The following CTNND2 variants were observed in gnomAD, a reference collection of about 807,000 sequenced individuals.
The protein encoded by CTNND2 is catenin delta-2.
A neutral mutation model predicts 144.4 loss-of-function variants in CTNND2; 22 were observed. The ratio of observed to expected loss-of-function variants is 0.15; its 90% CI spans 0.11 to 0.22. The LOEUF (loss-of-function observed/expected upper bound fraction) is 0.22, where lower values mean the gene tolerates loss of function less well. CTNND2 is among the 10% of genes least tolerant of loss of function. The probability of loss-of-function intolerance (pLI) is 1.00; values close to 1 mark genes in which losing one functional copy is unlikely to be tolerated. For missense variants in CTNND2, 1,353 were observed against 1,618.8 expected, an observed-to-expected ratio of 0.84 and a Z score of 2.82; for synonymous variants, 751 against 695.6, an observed-to-expected ratio of 1.08 and a Z score of -1.25.
chr5:11,217,539 G>C (rs115103503), intron 10 of CTNND2, among the ~76,000 whole-genome samples: 2,488 of 152,290 alleles, frequency 0.016, 34 homozygotes, highest in Non-Finnish European at 0.025. Flanking sequence ...GAATTCTGAG[G>C]CTTCCTGCTC....
intron 3 of CTNND2, among the ~76,000 whole-genome samples, chr5:11,517,449 C>A (rs1399805414): frequency 6.6e-6 from 1 of 152,082 alleles, no homozygotes; most frequent in Non-Finnish European, 1.5e-5. Context: ...ATTTTTAACA[C>A]CTTTGTTAAA....
chr5:11,643,218 T>C (rs1581656177), intron 2 of CTNND2, among the ~76,000 whole-genome samples: 1 of 150,446 alleles, frequency 6.6e-6, no homozygotes, highest in Admixed American at 6.6e-5. Context: ...ATATTTTATT[T>C]TTTATTTTTG....
At chr5:11,453,413 G>A (rs1765460090) in intron 3 of CTNND2, among the ~76,000 whole-genome samples, 1 of 152,178 alleles carries the variant, frequency 6.6e-6, no homozygotes, top group African/African-American at 2.4e-5. Flanking sequence ...TTAAGGAAGT[G>A]AAACTATGTC....
chr5:11,613,574 T>C (rs1240616217), intron 2 of CTNND2, among the ~76,000 whole-genome samples: 1 of 152,208 alleles, frequency 6.6e-6, no homozygotes, highest in Non-Finnish European at 1.5e-5. Context: ...TTGTATGTAT[T>C]AACCTATGTT....
chr5:11,304,124 AGTATGTCTTTATCAGCAGCATGAAGG>A (rs565694808), intron 9 of CTNND2, among the ~76,000 whole-genome samples: 1,625 of 152,250 alleles, frequency 0.011, 18 homozygotes, highest in Non-Finnish European at 0.016. Context: ...CCCAGTCTTG[AGTATGTCTTTATCAGCAGCATGAAGG>A]GTATGTCTTT....
chr5:11,897,689 A>G (rs1737503420), intron 1 of CTNND2, among the ~76,000 whole-genome samples: 1 of 152,222 alleles, frequency 6.6e-6, no homozygotes, highest in Non-Finnish European at 1.5e-5. Context: ...TTCATGGACC[A>G]TAGTTGCTAC....
intron 1 of CTNND2, among the ~76,000 whole-genome samples, chr5:11,805,074 C>T (rs1447611793): frequency 6.6e-6 from 1 of 152,088 alleles, no homozygotes; most frequent in Non-Finnish European, 1.5e-5. Flanking sequence ...TGTGATCTTG[C>T]TATACTTCTC....
chr5:11,041,988 A>T (rs539261286), intron 16 of CTNND2, among the ~76,000 whole-genome samples: 73 of 152,334 alleles, frequency 4.8e-4, no homozygotes, highest in African/African-American at 1.7e-3. Context: ...CAACTGTTCA[A>T]CTTTGTTTAA....
At chr5:11,507,018 A>G (rs1472916877) in intron 3 of CTNND2, among the ~76,000 whole-genome samples, 2 of 152,158 alleles carry the variant, frequency 1.3e-5, no homozygotes, top group African/African-American at 4.8e-5. Context: ...CCAAATCTAC[A>G]TATTAAATCT....
chr5:10,992,429 C>T, intron 19 of CTNND2, 122 bp downstream of exon 19: 1 of 1,383,324 alleles, frequency 7.2e-7, no homozygotes, highest in East Asian at 2.3e-5. Flanking sequence ...TCATTTCCTA[C>T]TTCTAGCGAA....
chr5:11,785,876 G>T (rs1790800927), intron 1 of CTNND2, among the ~76,000 whole-genome samples: 2 of 152,334 alleles, frequency 1.3e-5, no homozygotes, highest in African/African-American at 4.8e-5. Context: ...CTGGAAGCCA[G>T]CCATGGAGGG....
chr5:11,782,792 G>A (rs1790614850), intron 1 of CTNND2, among the ~76,000 whole-genome samples: 1 of 152,112 alleles, frequency 6.6e-6, no homozygotes. Context: ...TCATCTATAT[G>A]TTGATCTTTC....
At chr5:11,418,984 A>G (rs1482468676) in intron 3 of CTNND2, among the ~76,000 whole-genome samples, 1 of 150,760 alleles carries the variant, frequency 6.6e-6, no homozygotes, top group Non-Finnish European at 1.5e-5. Context: ...TAATACATAT[A>G]CATGCATCTC....
At chr5:11,321,106 C>A (rs565991847) in intron 9 of CTNND2, among the ~76,000 whole-genome samples, 1 of 152,012 alleles carries the variant, frequency 6.6e-6, no homozygotes, top group South Asian at 2.1e-4. Flanking sequence ...TTCTACTGTT[C>A]GTAACATAAA....
At chr5:11,457,244 T>C (rs942950658) in intron 3 of CTNND2, among the ~76,000 whole-genome samples, 1 of 150,820 alleles carries the variant, frequency 6.6e-6, no homozygotes, top group Non-Finnish European at 1.5e-5. Flanking sequence ...TCTACACAAT[T>C]TTTTTTTTAA....
intron 15 of CTNND2, among the ~76,000 whole-genome samples, chr5:11,094,694 GACCTCATGATCCATCC>G (rs1751153182): frequency 6.6e-6 from 1 of 152,090 alleles, no homozygotes; most frequent in African/African-American, 2.4e-5. Flanking sequence ...TTGATCTCTT[GACCTCATGATCCATCC>G]ACCTCAGCCT....
intron 13 of CTNND2, among the ~76,000 whole-genome samples, chr5:11,113,815 G>A (rs1580324217): frequency 6.6e-6 from 1 of 152,192 alleles, no homozygotes. Context: ...AGGGGCTGCT[G>A]GGATCACAAT....
intron 2 of CTNND2, among the ~76,000 whole-genome samples, chr5:11,581,666 T>G (rs1400169453): frequency 6.6e-6 from 1 of 152,216 alleles, no homozygotes; most frequent in Non-Finnish European, 1.5e-5. Context: ...CATTCAAAAT[T>G]ATATAACTGT....
intron 14 of CTNND2, among the ~76,000 whole-genome samples, chr5:11,107,098 T>G (rs998081378): frequency 6.6e-6 from 1 of 152,184 alleles, no homozygotes; most frequent in African/African-American, 2.4e-5. Flanking sequence ...CTGTCTGATA[T>G]GGCCTCTAAC....
Sources: allele counts gnomAD v4.1 joint callset (sites outside exome capture counted in the v4.1 genomes callset), GRCh38; gene constraint gnomAD v4.1.1; transcripts MANE v1.5; gene names NCBI Gene and HGNC (gene_info 2026-07-23, HGNC 2026-07-21).